Variants in GRID2 observed in about 807,000 individuals in gnomAD.
GRID2 encodes the protein glutamate receptor ionotropic, delta-2.
GRID2 carries 33 observed loss-of-function variants against 114.8 expected under a neutral mutation model. That is an observed-to-expected ratio of 0.29 (90% CI 0.22 to 0.38). GRID2 has a LOEUF of 0.38. GRID2 is among the 10% of genes least tolerant of loss of function. The pLI, the probability that GRID2 is intolerant of heterozygous loss-of-function variation, is 1.00. For synonymous variants in GRID2, 505 were observed against 449.9 expected, an observed-to-expected ratio of 1.12 and a Z score of -1.55; for missense variants, 1,184 against 1,257.7, an observed-to-expected ratio of 0.94 and a Z score of 0.89.
chr4:93,312,362 G>T (rs1756110378), intron 8 of GRID2, among the ~76,000 whole-genome samples: 1 of 152,154 alleles, frequency 6.6e-6, no homozygotes, highest in South Asian at 2.1e-4. Flanking sequence ...CTGAAAATTG[G>T]ATTGTGTTTT....
chr4:93,374,621 A>C (rs1444955369), intron 8 of GRID2, among the ~76,000 whole-genome samples: 1 of 152,124 alleles, frequency 6.6e-6, no homozygotes, highest in Non-Finnish European at 1.5e-5. Context: ...AATCCCCCCC[A>C]TAGAGCTCTC....
intron 2 of GRID2, among the ~76,000 whole-genome samples, chr4:92,849,223 G>A (rs1743573682): frequency 6.6e-6 from 1 of 151,936 alleles, no homozygotes; most frequent in Admixed American, 6.6e-5. Flanking sequence ...AAGCTTGAAA[G>A]CATCTTGAGT....
chr4:92,512,779 G>A (rs183898000), intron 1 of GRID2, among the ~76,000 whole-genome samples: 113 of 151,762 alleles, frequency 7.4e-4, no homozygotes, highest in African/African-American at 2.6e-3. Context: ...AGTAAGAATG[G>A]GATAGTTTTA....
intron 2 of GRID2, among the ~76,000 whole-genome samples, chr4:92,860,068 A>G (rs574832513): frequency 7.6e-4 from 115 of 152,312 alleles, no homozygotes; most frequent in African/African-American, 2.7e-3. Flanking sequence ...ATATCATTTT[A>G]TGCAATACTT....
At chr4:93,143,414 A>C (rs1347828735) in intron 4 of GRID2, among the ~76,000 whole-genome samples, 2 of 152,176 alleles carry the variant, frequency 1.3e-5, no homozygotes, top group Non-Finnish European at 2.9e-5. Flanking sequence ...TTATGTTATC[A>C]TCTTTATATA....
rs565183848 is a variant in GRID2 at position 93,081,783 on chromosome 4, A to G, written c.245-3212A>G. 1.1e-4 allele frequency among the ~76,000 whole-genome samples: 17 copies of G among 152,352 alleles called. No homozygotes were observed. The South Asian group carries it at 3.5e-3, about 32-fold the overall frequency. On this transcript the variant is annotated intron_variant, in intron 2 of 15. Coordinates refer to ENST00000282020, the MANE Select transcript of GRID2 (RefSeq NM_001510.4). ...ATACACGTTCTGATCTTTCAAATTCAGTTCTCATACTATATCAAATGAACT... is the reference window on the plus strand; with the variant it reads ...ATACACGTTCTGATCTTTCAAATTCGGTTCTCATACTATATCAAATGAACT...
chr4:93,016,078 T>C (rs2149238850), intron 2 of GRID2, among the ~76,000 whole-genome samples: 2 of 151,460 alleles, frequency 1.3e-5, no homozygotes, highest in East Asian at 3.9e-4. Flanking sequence ...TGTGTGTGTG[T>C]GTGTGTTTAA....
At chr4:93,096,433 G>C (rs569824486) in intron 3 of GRID2, among the ~76,000 whole-genome samples, 2 of 151,864 alleles carry the variant, frequency 1.3e-5, no homozygotes, top group East Asian at 3.9e-4. Context: ...CTAAAACATA[G>C]ATCCGAAAAA....
At chr4:93,483,643 T>C (rs1187078113) in intron 11 of GRID2, among the ~76,000 whole-genome samples, 6 of 152,154 alleles carry the variant, frequency 3.9e-5, no homozygotes, top group Non-Finnish European at 7.4e-5. Context: ...AAATTGCTTA[T>C]TTTTAACAAC....
chr4:93,075,883 CTTTTTTTT>C lies in GRID2; in HGVS notation c.245-9081_245-9074del, dbSNP rs10706922. Among the ~76,000 whole-genome samples the C allele has an allele frequency of 5.8e-3, 441 of 76,606 alleles. 12 individuals carry two copies. Among genetic ancestry groups the C allele is most frequent in the African/African-American group, 0.022 (415 of 18,776 alleles). The allele number at this position is 76,606 out of a possible 152,430, so 50.3% of individuals were successfully genotyped here. ...GTATTGGGATGTCGAAGTTACCTCT[CTTTTTTTT>C]TTTTTTTTTTTTTTTTTTTTTTTTT... On this transcript the variant is annotated intron_variant, in intron 2 of 15. Coordinates refer to ENST00000282020, the MANE Select transcript of GRID2 (RefSeq NM_001510.4).
chr4:92,933,645 A>G (rs1252439735), intron 2 of GRID2, among the ~76,000 whole-genome samples: 1 of 151,552 alleles, frequency 6.6e-6, no homozygotes, highest in African/African-American at 2.4e-5. Flanking sequence ...AAAGTTTCAT[A>G]GTAGTTCCAT....
At chr4:93,128,623 G>A (rs539120216) in intron 4 of GRID2, among the ~76,000 whole-genome samples, 6 of 152,138 alleles carry the variant, frequency 3.9e-5, no homozygotes. Flanking sequence ...TTCCCTCATT[G>A]CTAAACTGTC....
intron 2 of GRID2, among the ~76,000 whole-genome samples, chr4:92,715,604 G>A (rs1472229348): frequency 6.6e-6 from 1 of 152,190 alleles, no homozygotes; most frequent in African/African-American, 2.4e-5. Flanking sequence ...TACAATCATG[G>A]TGGAAGAAGA....
intron 11 of GRID2, among the ~76,000 whole-genome samples, chr4:93,471,252 G>A (rs1330327207): frequency 6.6e-6 from 1 of 152,130 alleles, no homozygotes; most frequent in Non-Finnish European, 1.5e-5. Context: ...AATTTCCTCT[G>A]AAAGTAACTG....
At chr4:93,259,519 A>G (rs1750008772) in intron 8 of GRID2, among the ~76,000 whole-genome samples, 1 of 151,876 alleles carries the variant, frequency 6.6e-6, no homozygotes, top group African/African-American at 2.4e-5. Context: ...TGAAATTTAT[A>G]CTGTCAATAA....
At chr4:92,653,214 G>T (rs1376768024) in intron 2 of GRID2, among the ~76,000 whole-genome samples, 2 of 149,800 alleles carry the variant, frequency 1.3e-5, no homozygotes, top group East Asian at 2.0e-4. Context: ...TGGCCAGGCT[G>T]GTCTTGAACT....
At chr4:92,740,333 G>A (rs894997540) in intron 2 of GRID2, among the ~76,000 whole-genome samples, 2 of 152,148 alleles carry the variant, frequency 1.3e-5, no homozygotes, top group African/African-American at 2.4e-5. Flanking sequence ...TTCTTTATGG[G>A]TCAACATGAG....
intron 2 of GRID2, among the ~76,000 whole-genome samples, chr4:93,023,686 A>G (rs754641146): frequency 2.0e-5 from 3 of 151,900 alleles, no homozygotes; most frequent in Non-Finnish European, 2.9e-5. Context: ...TATAACCTCA[A>G]ATATCTTAAA....
At chr4:93,024,871 T>C (rs930377239) in intron 2 of GRID2, among the ~76,000 whole-genome samples, 1 of 151,698 alleles carries the variant, frequency 6.6e-6, no homozygotes, top group Non-Finnish European at 1.5e-5. Flanking sequence ...AAATAACCTA[T>C]ATTTTAATGC....
Sources: allele counts gnomAD v4.1 joint callset (sites outside exome capture counted in the v4.1 genomes callset), GRCh38; gene constraint gnomAD v4.1.1; transcripts MANE v1.5; gene names NCBI Gene and HGNC (gene_info 2026-07-23, HGNC 2026-07-21).